SYT12: variants seen among roughly 807,000 people sequenced by gnomAD.
The protein encoded by SYT12 is synaptotagmin-12.
SYT12 carries 27 observed loss-of-function variants against 39.5 expected under a neutral mutation model. That is an observed-to-expected ratio of 0.68 (90% confidence interval 0.50 to 0.94). The LOEUF (loss-of-function observed/expected upper bound fraction) is 0.94, where lower values mean the gene tolerates loss of function less well. Ranked by LOEUF, SYT12 falls within the 40% of genes least tolerant of loss-of-function variation. The probability of loss-of-function intolerance (pLI) is 0.00; values close to 1 mark genes in which losing one functional copy is unlikely to be tolerated. For missense variants in SYT12, 536 were observed against 572.6 expected (o/e 0.94, Z 0.65); for synonymous variants, 233 against 239.7 (o/e 0.97, Z 0.26).
chr11:67,042,881 T>G (rs1475394680), intron 4 of SYT12, among the ~76,000 whole-genome samples: 1 of 152,016 alleles, frequency 6.6e-6, no homozygotes, highest in African/African-American at 2.4e-5. Flanking sequence ...CCGGTGGCGC[T>G]GGGGGATTTA....
At chr11:67,007,752 C>G (rs1042211386) in intron 1 of SYT12, among the ~76,000 whole-genome samples, 4 of 150,862 alleles carry the variant, frequency 2.7e-5, no homozygotes, top group African/African-American at 7.3e-5. Context: ...TTAGTAGAGA[C>G]GGGGTTTCCC....
upstream of SYT12, among the ~76,000 whole-genome samples, chr11:67,022,534 C>G (rs1046010901): frequency 6.6e-6 from 1 of 152,282 alleles, no homozygotes; most frequent in African/African-American, 2.4e-5. Flanking sequence ...ACACCTGGCA[C>G]TGTGCCCAGC....
chr11:67,028,045 A>T (rs1428842640), intron 1 of SYT12: 1 of 152,220 alleles, frequency 6.6e-6, no homozygotes. Flanking sequence ...TTGCAGTGAG[A>T]CACAGTGGTT....
At chr11:67,035,857 T>TC (rs1950366592) in intron 3 of SYT12, among the ~76,000 whole-genome samples, 1 of 110,524 alleles carries the variant, frequency 9.0e-6, no homozygotes, top group Non-Finnish European at 1.9e-5. Flanking sequence ...TTTCTTTCTT[T>TC]CTTTCTTTCT....
chr11:67,013,186 A>T (rs1183041461), intron 3 of SYT12, among the ~76,000 whole-genome samples: 1 of 152,176 alleles, frequency 6.6e-6, no homozygotes, highest in Non-Finnish European at 1.5e-5. Context: ...GTCTTCAGGG[A>T]CCACCCATAA....
intron 5 of SYT12, 95 bp from the exon 6 acceptor site, chr11:67,044,498 A>G (rs1950572758): frequency 5.3e-6 from 8 of 1,516,512 alleles, no homozygotes; most frequent in Non-Finnish European, 7.1e-6. Context: ...TCTATGGAGA[A>G]GGAAGCCCCA....
At position 67,049,116 on chromosome 11, in the gene SYT12, C is replaced by T. The variant is rs945343760; in HGVS notation, c.*359C>T. On this transcript the variant is annotated 3_prime_UTR_variant, in exon 8 of 8. Transcript: ENST00000527043. ...CAGCAGGGGTAACACGAAGAAGACC[C>T]GGCCCTTAGGGCATCAGGAAGACTA... 8 of 198,642 alleles carry T rather than the reference C, an allele frequency of 4.0e-5. No individual in the cohort carries two copies. In the South Asian group the frequency reaches 5.6e-4, roughly 14 times the overall value. 12.3% of individuals were successfully genotyped at this position (198,642 alleles called of 1,614,324 possible). A position where few individuals can be genotyped will look rare whatever the true frequency, so the allele number is the denominator to read the frequency against.
intron 7 of SYT12, among the ~76,000 whole-genome samples, chr11:67,047,585 C>T (rs1248088887): frequency 6.7e-6 from 1 of 150,290 alleles, no homozygotes; most frequent in Non-Finnish European, 1.5e-5. Flanking sequence ...ATATTATCAT[C>T]ACCATTTCAC....
intron 5 of SYT12, 121 bp from the exon 6 acceptor site, chr11:67,044,472 C>G: frequency 7.1e-7 from 1 of 1,407,868 alleles, no homozygotes; most frequent in Non-Finnish European, 9.4e-7. Context: ...TAAGGGGCCC[C>G]CAGTGCAGCC....
At chr11:67,008,740 G>C (rs1392292409) in intron 1 of SYT12, among the ~76,000 whole-genome samples, 3 of 152,004 alleles carry the variant, frequency 2.0e-5, no homozygotes, top group African/African-American at 4.8e-5. Context: ...TGTAGAGACG[G>C]GGTTTCAACC....
chr11:67,024,817 C>T (rs1192672101), intron 1 of SYT12, among the ~76,000 whole-genome samples: 1 of 152,172 alleles, frequency 6.6e-6, no homozygotes, highest in African/African-American at 2.4e-5. Flanking sequence ...CTCTCCTGGG[C>T]CCAACTCCCG....
At chr11:67,036,629 A>G (rs941038526) in intron 3 of SYT12, among the ~76,000 whole-genome samples, 1 of 152,108 alleles carries the variant, frequency 6.6e-6, no homozygotes, top group Admixed American at 6.5e-5. Flanking sequence ...TGTTGGGGGA[A>G]TGTAAATTTG....
At chr11:67,035,900 C>CCT (rs1565337596) in intron 3 of SYT12, among the ~76,000 whole-genome samples, 4 of 111,726 alleles carry the variant, frequency 3.6e-5, no homozygotes, top group African/African-American at 1.6e-4. Flanking sequence ...CCCTCCCTCC[C>CCT]TCCTTCCTTC....
At chr11:67,019,529 G>GA, upstream of SYT12, among the ~76,000 whole-genome samples, 1 of 151,838 alleles carries the variant, frequency 6.6e-6, no homozygotes, top group Non-Finnish European at 1.5e-5. Flanking sequence ...CAGTACGGGG[G>GA]AAACCGCCCC....
At chr11:67,033,854 G>A (rs1483167422) in intron 2 of SYT12, among the ~76,000 whole-genome samples, 2 of 152,196 alleles carry the variant, frequency 1.3e-5, no homozygotes, top group African/African-American at 2.4e-5. Flanking sequence ...TGCCAAGCGC[G>A]GTGCTGGGGA....
At chr11:67,042,381 C>T (rs1230822120) in intron 4 of SYT12, among the ~76,000 whole-genome samples, 1 of 152,210 alleles carries the variant, frequency 6.6e-6, no homozygotes, top group East Asian at 1.9e-4. Context: ...CAGACAGCAG[C>T]CGCCACAGCC....
chr11:67,042,103 C>A (rs1010530716), intron 4 of SYT12, among the ~76,000 whole-genome samples: 1 of 152,164 alleles, frequency 6.6e-6, no homozygotes, highest in Non-Finnish European at 1.5e-5. Flanking sequence ...GACCCTGGAG[C>A]CTGACTGCCT....
intron 3 of SYT12, 70 bp from the exon 4 acceptor site, chr11:67,039,741 C>T (rs1486843165): frequency 1.3e-6 from 2 of 1,523,962 alleles, no homozygotes; most frequent in African/African-American, 2.7e-5. Context: ...TTACTCATCT[C>T]TTTGCCGTCT....
chr11:67,033,896 A>G (rs980378761), intron 2 of SYT12, among the ~76,000 whole-genome samples: 1 of 152,048 alleles, frequency 6.6e-6, no homozygotes, highest in African/African-American at 2.4e-5. Context: ...GGAGGTTGTT[A>G]ATTTCCGTTT....
Sources: allele counts gnomAD v4.1 joint callset (sites outside exome capture counted in the v4.1 genomes callset), GRCh38; gene constraint gnomAD v4.1.1; transcripts MANE v1.5; gene names NCBI Gene and HGNC (gene_info 2026-07-23, HGNC 2026-07-21).